CTNNA3: variants seen among roughly 807,000 people sequenced by gnomAD.
CTNNA3 encodes catenin alpha 3.
Under a neutral mutation model 95.7 loss-of-function variants are expected in CTNNA3, and 76 were observed. The observed-to-expected ratio is 0.79, with a 90% CI of 0.66 to 0.96. The LOEUF is 0.96. Among genes scored for constraint, CTNNA3 ranks in the 40% least tolerant of loss-of-function variants. CTNNA3 has a pLI of 0.00. For synonymous variants in CTNNA3, 431 were observed against 374.4 expected (o/e 1.15, Z -1.74); for missense variants, 1,191 against 1,089.8 (o/e 1.09, Z -1.31).
intron 1 of CTNNA3, among the ~76,000 whole-genome samples, chr10:67,653,699 C>T (rs917816522): frequency 1.3e-5 from 2 of 152,086 alleles, no homozygotes; most frequent in African/African-American, 4.8e-5. Flanking sequence ...GGAGGCATGT[C>T]TAACATTATC....
chr10:67,141,493 C>T (rs1178313892), intron 7 of CTNNA3, among the ~76,000 whole-genome samples: 2 of 152,116 alleles, frequency 1.3e-5, no homozygotes, highest in South Asian at 2.1e-4. Context: ...CGGTAATACC[C>T]GCATTATGTG....
intron 13 of CTNNA3, among the ~76,000 whole-genome samples, chr10:66,207,457 C>T (rs1300249161): frequency 2.0e-5 from 3 of 151,910 alleles, no homozygotes; most frequent in Non-Finnish European, 4.4e-5. Flanking sequence ...ATATTTTTCA[C>T]CCATGTTTGA....
chr10:65,984,872 T>G (rs1438192302), intron 16 of CTNNA3, among the ~76,000 whole-genome samples: 1 of 151,216 alleles, frequency 6.6e-6, no homozygotes. Context: ...GTGAATGCAA[T>G]AAGATTCTAA....
intron 3 of CTNNA3, among the ~76,000 whole-genome samples, chr10:67,561,929 A>G (rs564214807): frequency 1.3e-5 from 2 of 152,308 alleles, no homozygotes; most frequent in African/African-American, 4.8e-5. Context: ...CCCTCCCAAG[A>G]CTAAACCACG....
intron 2 of CTNNA3, among the ~76,000 whole-genome samples, chr10:67,616,949 T>C (rs1158231672): frequency 1.3e-5 from 2 of 152,110 alleles, no homozygotes; most frequent in African/African-American, 4.8e-5. Flanking sequence ...GGAGAAGAAG[T>C]CACAGGACTG....
intron 14 of CTNNA3, among the ~76,000 whole-genome samples, chr10:66,079,646 T>C (rs1009831886): frequency 2.0e-5 from 3 of 151,604 alleles, no homozygotes; most frequent in African/African-American, 7.3e-5. Context: ...AGGAATATTG[T>C]ATAGAATTCT....
chr10:66,064,906 C>A (rs529366591), intron 15 of CTNNA3, among the ~76,000 whole-genome samples: 3 of 152,132 alleles, frequency 2.0e-5, no homozygotes, highest in African/African-American at 7.2e-5. Context: ...AATTCAGCTA[C>A]TACATATTAA....
intron 1 of CTNNA3, among the ~76,000 whole-genome samples, chr10:67,674,772 C>T (rs1840505324): frequency 6.6e-6 from 1 of 152,008 alleles, no homozygotes; most frequent in African/African-American, 2.4e-5. Flanking sequence ...TATTCTTCAC[C>T]TGTTTTTCTC....
intron 10 of CTNNA3, among the ~76,000 whole-genome samples, chr10:66,566,785 G>C (rs760534827): frequency 3.3e-5 from 5 of 151,712 alleles, no homozygotes; most frequent in Admixed American, 6.6e-5. Context: ...CCCAAGCTGA[G>C]ATTTGAAATA....
intron 13 of CTNNA3, among the ~76,000 whole-genome samples, chr10:66,214,333 T>C (rs532006598): frequency 5.6e-4 from 85 of 152,330 alleles, no homozygotes; most frequent in Admixed American, 9.2e-4. Context: ...ACCTAGCATA[T>C]AAAATGGAGA....
intron 1 of CTNNA3, among the ~76,000 whole-genome samples, chr10:67,671,304 AACT>A (rs1840427238): frequency 6.6e-6 from 1 of 152,132 alleles, no homozygotes. Context: ...GACAGAGCAG[AACT>A]ATAGAAAGAA....
chr10:66,664,357 C>T (rs1268182104), intron 9 of CTNNA3, among the ~76,000 whole-genome samples: 2 of 151,812 alleles, frequency 1.3e-5, no homozygotes, highest in African/African-American at 4.9e-5. Context: ...GCTTGAAGAC[C>T]CTAAATTTAC....
chr10:66,310,399 C>T lies in CTNNA3; in HGVS notation c.1733-29778G>A, dbSNP rs571946987. On this transcript the variant is annotated intron_variant, in intron 12 of 17. Coordinates refer to ENST00000433211, the MANE Select transcript of CTNNA3 (RefSeq NM_013266.4). ...AGCTCTCCTAATTCTAAATTTAGTTCAGTACCCCACGATCCATTTCTGTAC... is the reference window on the plus strand; with the variant it reads ...AGCTCTCCTAATTCTAAATTTAGTTTAGTACCCCACGATCCATTTCTGTAC... Among the ~76,000 whole-genome samples the T allele has an allele frequency of 9.9e-5, 15 of 152,234 alleles. No homozygotes were observed. In the East Asian group the frequency reaches 2.9e-3, roughly 30 times the overall value.
intron 5 of CTNNA3, among the ~76,000 whole-genome samples, chr10:67,335,274 G>T (rs1240137175): frequency 6.6e-6 from 1 of 152,110 alleles, no homozygotes; most frequent in African/African-American, 2.4e-5. Flanking sequence ...TCCTGTCAAG[G>T]GCTGGTTCCT....
At chr10:66,483,614 T>G (rs199831374) in intron 11 of CTNNA3, among the ~76,000 whole-genome samples, 1 of 152,162 alleles carries the variant, frequency 6.6e-6, no homozygotes, top group East Asian at 1.9e-4. Flanking sequence ...CTCCTACACC[T>G]CTATTCAGCT....
At chr10:67,427,626 TATATA>T (rs2132886216) in intron 5 of CTNNA3, among the ~76,000 whole-genome samples, 1 of 152,186 alleles carries the variant, frequency 6.6e-6, no homozygotes, top group South Asian at 2.1e-4. Context: ...ATATAATTCT[TATATA>T]AAGTAAACTA....
chr10:66,551,896 C>CCTTTTTT (rs1389009453), intron 10 of CTNNA3, among the ~76,000 whole-genome samples: 1 of 113,964 alleles, frequency 8.8e-6, no homozygotes, highest in African/African-American at 3.2e-5. Context: ...TTTTCTTTTC[C>CCTTTTTT]TTTTTTTTTT....
chr10:66,427,280 C>T (rs2093250846), intron 11 of CTNNA3, among the ~76,000 whole-genome samples: 1 of 151,694 alleles, frequency 6.6e-6, no homozygotes, highest in South Asian at 2.1e-4. Flanking sequence ...CCATGTGTTT[C>T]TTGATTTTTA....
chr10:66,048,265 T>C (rs991864336), intron 15 of CTNNA3, among the ~76,000 whole-genome samples: 2 of 152,174 alleles, frequency 1.3e-5, no homozygotes, highest in African/African-American at 4.8e-5. Context: ...ATGGTACTGG[T>C]ACAGAAACCG....
Sources: allele counts gnomAD v4.1 joint callset (sites outside exome capture counted in the v4.1 genomes callset), GRCh38; gene constraint gnomAD v4.1.1; transcripts MANE v1.5; gene names NCBI Gene and HGNC (gene_info 2026-07-23, HGNC 2026-07-21).